LPP: variants seen among roughly 807,000 people sequenced by gnomAD.
LPP encodes the protein LIM domain containing preferred translocation partner in lipoma.
A neutral mutation model predicts 60.4 loss-of-function variants in LPP; 38 were observed. That is an observed-to-expected ratio of 0.63 (90% CI 0.49 to 0.83). LPP has a LOEUF of 0.83. LPP is among the 40% of genes least tolerant of loss of function. The pLI, the probability that LPP is intolerant of heterozygous loss-of-function variation, is 0.00. For synonymous variants in LPP, 328 were observed against 290.8 expected (o/e 1.13, Z -1.30); for missense variants, 902 against 783.6 (o/e 1.15, Z -1.80).
chr3:188,154,534 CG>C (rs1000298255), intron 1 of LPP, among the ~76,000 whole-genome samples: 1 of 152,174 alleles, frequency 6.6e-6, no homozygotes, highest in Non-Finnish European at 1.5e-5. Flanking sequence ...GCCCAGGGGG[CG>C]GGGCCACGCC....
chr3:188,751,590 T>G (rs891685002), intron 8 of LPP, among the ~76,000 whole-genome samples: 1 of 152,180 alleles, frequency 6.6e-6, no homozygotes, highest in African/African-American at 2.4e-5. Flanking sequence ...ATTGTGGACT[T>G]TTAAAGTAGT....
At chr3:188,160,066 C>A (rs1402651497) in intron 1 of LPP, among the ~76,000 whole-genome samples, 1 of 149,172 alleles carries the variant, frequency 6.7e-6, no homozygotes, top group Non-Finnish European at 1.5e-5. Flanking sequence ...GTGCCCGCCA[C>A]CACTCCCGGC....
intron 8 of LPP, among the ~76,000 whole-genome samples, chr3:188,726,916 A>T (rs1351052681): frequency 2.0e-5 from 3 of 152,226 alleles, no homozygotes; most frequent in African/African-American, 7.2e-5. Flanking sequence ...ACAAATTCTT[A>T]TCATTCAAAA....
intron 6 of LPP, among the ~76,000 whole-genome samples, chr3:188,570,555 C>T (rs1352457656): frequency 6.6e-6 from 1 of 152,028 alleles, no homozygotes; most frequent in Non-Finnish European, 1.5e-5. Context: ...GGACACGCTA[C>T]ACAAAGGACT....
chr3:188,424,558 T>C (rs1788776065), intron 4 of LPP, among the ~76,000 whole-genome samples: 1 of 152,220 alleles, frequency 6.6e-6, no homozygotes, highest in South Asian at 2.1e-4. Flanking sequence ...TATGGCCATT[T>C]TCATGATATT....
chr3:188,677,107 A>T (rs567333304), intron 7 of LPP, among the ~76,000 whole-genome samples: 1 of 152,142 alleles, frequency 6.6e-6, no homozygotes, highest in Non-Finnish European at 1.5e-5. Flanking sequence ...GTCAATCCTC[A>T]GTTGAGACTG....
At chr3:188,192,210 A>G (rs1304347175) in intron 1 of LPP, among the ~76,000 whole-genome samples, 1 of 152,232 alleles carries the variant, frequency 6.6e-6, no homozygotes, top group African/African-American at 2.4e-5. Context: ...GAAAGGCTTC[A>G]TGGGGTTGGT....
chr3:188,527,554 A>C (rs1820978656), intron 6 of LPP, among the ~76,000 whole-genome samples: 1 of 152,122 alleles, frequency 6.6e-6, no homozygotes, highest in Admixed American at 6.5e-5. Context: ...TGATGCAGGA[A>C]ATGAGCCCAG....
At chr3:188,456,375 CAGGG>C (rs1797744892) in intron 4 of LPP, among the ~76,000 whole-genome samples, 1 of 152,178 alleles carries the variant, frequency 6.6e-6, no homozygotes, top group African/African-American at 2.4e-5. Context: ...TTTACACCAA[CAGGG>C]ACCTTATAAT....
Position 188,885,374 on chromosome 3 carries a change from C to T in LPP, c.*10895C>T, listed in dbSNP as rs979461734. On this transcript the variant is annotated 3_prime_UTR_variant, in exon 12 of 12. Transcript: ENST00000617246. ...GACTAATGAGAGCCAAGTTAAATAG[C>T]AAATGACTTCTCACCCCTTCCTAGT... 5.1e-6 allele frequency: 1 copy of T among 194,508 alleles called. No individual in the cohort carries two copies. 12.0% of individuals were successfully genotyped at this position (194,508 alleles called of 1,614,324 possible).
intron 4 of LPP, among the ~76,000 whole-genome samples, chr3:188,412,997 G>T (rs1785248073): frequency 6.6e-6 from 1 of 152,110 alleles, no homozygotes; most frequent in African/African-American, 2.4e-5. Flanking sequence ...TGTGGTTTAT[G>T]GGAACCAGGC....
Position 188,443,937 on chromosome 3 carries a change from A to G in LPP, c.193+37624A>G, listed in dbSNP as rs542217948. ...CTAACAGGCTCTCATTCAATAAAGGATGGTGTGCCCTTAATTTTGTTAGCA... is the reference window on the plus strand; with the variant it reads ...CTAACAGGCTCTCATTCAATAAAGGGTGGTGTGCCCTTAATTTTGTTAGCA... On this transcript the variant is annotated intron_variant, in intron 4 of 11. Transcript: ENST00000617246. Among the ~76,000 whole-genome samples the G allele has an allele frequency of 9.8e-5, 15 of 152,330 alleles. 1 individual carries two copies. The highest frequency in any genetic ancestry group is 3.6e-4 in the African/African-American group (15 of 41,588).
At chr3:188,793,519 A>T (rs535452403) in intron 9 of LPP, among the ~76,000 whole-genome samples, 1 of 152,196 alleles carries the variant, frequency 6.6e-6, no homozygotes, top group East Asian at 1.9e-4. Flanking sequence ...TGAGACCCAC[A>T]TCAGCGATCT....
At chr3:188,539,383 C>G (rs1409060941) in intron 6 of LPP, among the ~76,000 whole-genome samples, 2 of 152,148 alleles carry the variant, frequency 1.3e-5, no homozygotes, top group Non-Finnish European at 2.9e-5. Flanking sequence ...CCTGGATGAT[C>G]ACAGAAGGTG....
At chr3:188,574,064 A>G (rs1287248546) in intron 6 of LPP, among the ~76,000 whole-genome samples, 1 of 152,086 alleles carries the variant, frequency 6.6e-6, no homozygotes, top group Non-Finnish European at 1.5e-5. Flanking sequence ...GTTCAATGGG[A>G]CAGCAACCAG....
chr3:188,718,915 A>G (rs535792548), intron 8 of LPP, among the ~76,000 whole-genome samples: 36 of 152,348 alleles, frequency 2.4e-4, no homozygotes, highest in Middle Eastern at 3.4e-3. Context: ...CATGAAAATG[A>G]GTGAGATTTT....
At chr3:188,848,259 C>T (rs530494534) in intron 9 of LPP, among the ~76,000 whole-genome samples, 8 of 152,232 alleles carry the variant, frequency 5.3e-5, no homozygotes, top group Admixed American at 3.9e-4. Flanking sequence ...CCATAAGAGC[C>T]TCGAGTCTTG....
chr3:188,713,888 C>T (rs904571111), intron 8 of LPP, among the ~76,000 whole-genome samples: 1 of 152,106 alleles, frequency 6.6e-6, no homozygotes, highest in South Asian at 2.1e-4. Context: ...TTTGAAATTT[C>T]CCGTTATCGT....
chr3:188,545,063 A>T (rs1468048132), intron 6 of LPP, among the ~76,000 whole-genome samples: 4 of 94,690 alleles, frequency 4.2e-5, no homozygotes, highest in Non-Finnish European at 8.3e-5. Flanking sequence ...ATGAGATCAC[A>T]TGGACACAGG....
Sources: allele counts gnomAD v4.1 joint callset (sites outside exome capture counted in the v4.1 genomes callset), GRCh38; gene constraint gnomAD v4.1.1; transcripts MANE v1.5; gene names NCBI Gene and HGNC (gene_info 2026-07-23, HGNC 2026-07-21).